ZNF385B: variants seen among roughly 807,000 people sequenced by gnomAD.
ZNF385B encodes zinc finger protein 533.
Under a neutral mutation model 39.2 loss-of-function variants are expected in ZNF385B, and 23 were observed. The observed-to-expected ratio is 0.59, with a 90% confidence interval of 0.42 to 0.83. ZNF385B has a LOEUF of 0.83. ZNF385B is among the 40% of genes least tolerant of loss of function. The pLI is 0.00. For missense variants in ZNF385B, 552 were observed against 598.9 expected (o/e 0.92, Z 0.82); for synonymous variants, 205 against 222.6 (o/e 0.92, Z 0.70).
intron 4 of ZNF385B, among the ~76,000 whole-genome samples, chr2:179,543,898 C>CAAAATGA (rs1180381958): frequency 6.6e-6 from 1 of 152,078 alleles, no homozygotes; most frequent in Non-Finnish European, 1.5e-5. Flanking sequence ...GATAGGTTTG[C>CAAAATGA]AAAATGAAAC....
At chr2:179,826,135 G>GA in intron 1 of ZNF385B, among the ~76,000 whole-genome samples, 1 of 152,120 alleles carries the variant, frequency 6.6e-6, no homozygotes, top group Non-Finnish European at 1.5e-5. Flanking sequence ...AACAGCTGTC[G>GA]AAAATTCAGC....
Position 179,611,617 on chromosome 2 carries a change from T to C in ZNF385B, c.299-66648A>G, listed in dbSNP as rs529570779. ...TTTTGAATAGTTTGAATAGGATTGG[T>C]ATTAGTTCTTTAAATGTTTAGTAAA... On this transcript the variant is annotated intron_variant, in intron 3 of 9. Coordinates refer to ENST00000410066, the MANE Select transcript of ZNF385B (RefSeq NM_152520.6). Among the ~76,000 whole-genome samples the C allele has an allele frequency of 3.3e-5, 5 of 152,270 alleles. No homozygotes were observed. The East Asian group carries it at 9.6e-4, about 29-fold the overall frequency.
At chr2:179,444,380 T>C (rs1398027342) in intron 9 of ZNF385B, among the ~76,000 whole-genome samples, 1 of 152,120 alleles carries the variant, frequency 6.6e-6, no homozygotes, top group East Asian at 1.9e-4. Flanking sequence ...TAGCACATAT[T>C]GAGAGCAGAT....
intron 3 of ZNF385B, among the ~76,000 whole-genome samples, chr2:179,594,248 A>G (rs75745126): frequency 0.03 from 4,605 of 152,306 alleles, 95 homozygotes; most frequent in Middle Eastern, 0.041. Flanking sequence ...ACTTCAACTT[A>G]ATTTGGCAGT....
At chr2:179,647,425 G>T (rs975975140) in intron 3 of ZNF385B, among the ~76,000 whole-genome samples, 2 of 151,964 alleles carry the variant, frequency 1.3e-5, no homozygotes, top group Non-Finnish European at 1.5e-5. Context: ...ACCCAACCCC[G>T]GCCATATGCC....
At chr2:179,468,317 G>C (rs2052340823) in intron 6 of ZNF385B, among the ~76,000 whole-genome samples, 1 of 152,168 alleles carries the variant, frequency 6.6e-6, no homozygotes, top group Non-Finnish European at 1.5e-5. Flanking sequence ...ATTTTGTGTA[G>C]TTTTTCCAGC....
chr2:179,726,340 A>G lies in ZNF385B; in HGVS notation c.298+43163T>C, dbSNP rs573216037. ...CCATATCCTTTGTGTGTTTCCTTCT[A>G]TCATCGGCCCATTCCAATTCTGGAT... On this transcript the variant is annotated intron_variant, in intron 3 of 9. Transcript: ENST00000410066. Among the ~76,000 whole-genome samples, 11 of 152,060 alleles carry G rather than the reference A, an allele frequency of 7.2e-5. No individual in the cohort carries two copies. In the East Asian group the frequency reaches 1.7e-3, roughly 24 times the overall value.
intron 8 of ZNF385B, among the ~76,000 whole-genome samples, chr2:179,445,212 T>A (rs2049350686): frequency 6.6e-6 from 1 of 152,208 alleles, no homozygotes; most frequent in African/African-American, 2.4e-5. Flanking sequence ...ATTACCACTG[T>A]TACTGATGAG....
At chr2:179,457,666 C>G (rs1291084491) in intron 6 of ZNF385B, among the ~76,000 whole-genome samples, 1 of 151,716 alleles carries the variant, frequency 6.6e-6, no homozygotes, top group Non-Finnish European at 1.5e-5. Flanking sequence ...TTTTTATTGG[C>G]CAATTGTATA....
At chr2:179,847,205 T>A (rs1436839076) in intron 1 of ZNF385B, among the ~76,000 whole-genome samples, 1 of 152,218 alleles carries the variant, frequency 6.6e-6, no homozygotes, top group Non-Finnish European at 1.5e-5. Context: ...ATGACCAGGC[T>A]ATAGCTGATA....
chr2:179,618,725 A>C (rs1391250945), intron 3 of ZNF385B, among the ~76,000 whole-genome samples: 1 of 152,184 alleles, frequency 6.6e-6, no homozygotes, highest in Non-Finnish European at 1.5e-5. Flanking sequence ...AAATAGGAGA[A>C]CAAGAGGAAT....
Position 179,548,408 on chromosome 2 carries a change from GGTTTGTTTGTTT to G in ZNF385B, c.299-3451_299-3440del, listed in dbSNP as rs34315008. The stretch of plus-strand genomic sequence containing the variant: ...CTGGTAGGCAGACTCTGGCATGTAA[GGTTTGTTTGTTT>G]GTTTGTTTGTTTTAATATAACAACT... On this transcript the variant is annotated intron_variant, in intron 3 of 9. Coordinates refer to ENST00000410066, the MANE Select transcript of ZNF385B (RefSeq NM_152520.6). 2.2e-3 allele frequency among the ~76,000 whole-genome samples: 333 copies of G among 148,410 alleles called. 10 individuals carry two copies. The highest frequency in any genetic ancestry group is 4.0e-3 in the Non-Finnish European group (271 of 67,310).
intron 1 of ZNF385B, among the ~76,000 whole-genome samples, chr2:179,847,318 C>T (rs190309270): frequency 1.3e-3 from 197 of 152,290 alleles, no homozygotes; most frequent in Middle Eastern, 3.4e-3. Context: ...ATTCTACCAG[C>T]TTATTCTCAA....
intron 3 of ZNF385B, among the ~76,000 whole-genome samples, chr2:179,689,783 A>ATGTGTGTGTGTGTG (rs112957152): frequency 1.5e-5 from 2 of 130,014 alleles, no homozygotes; most frequent in South Asian, 2.5e-4. Context: ...GGGCAGGGGC[A>ATGTGTGTGTGTGTG]TGTGTGTGTG....
chr2:179,527,701 A>G (rs2058997479), intron 4 of ZNF385B, among the ~76,000 whole-genome samples: 1 of 152,128 alleles, frequency 6.6e-6, no homozygotes, highest in Non-Finnish European at 1.5e-5. Context: ...CTCCTTTTCA[A>G]CATATTACAC....
intron 5 of ZNF385B, among the ~76,000 whole-genome samples, chr2:179,508,879 A>G (rs1356766200): frequency 6.6e-6 from 1 of 152,020 alleles, no homozygotes; most frequent in Non-Finnish European, 1.5e-5. Context: ...ATATTGAATG[A>G]TGTGTATTGT....
chr2:179,499,002 G>A (rs1342855194), intron 5 of ZNF385B, among the ~76,000 whole-genome samples: 1 of 151,878 alleles, frequency 6.6e-6, no homozygotes, highest in Non-Finnish European at 1.5e-5. Flanking sequence ...AACTGATTCT[G>A]CAGAAAGTTA....
At chr2:179,560,850 GA>G (rs1176486468) in intron 3 of ZNF385B, among the ~76,000 whole-genome samples, 1 of 152,090 alleles carries the variant, frequency 6.6e-6, no homozygotes, top group Non-Finnish European at 1.5e-5. Flanking sequence ...TTTGCTTCAG[GA>G]CAAGTTTGTC....
chr2:179,826,701 GA>G (rs199699119), intron 1 of ZNF385B, among the ~76,000 whole-genome samples: 7,069 of 151,704 alleles, frequency 0.047, 383 homozygotes, highest in Admixed American at 0.16. Context: ...AAATTATTCA[GA>G]AAAAAAATTC....
Sources: allele counts gnomAD v4.1 joint callset (sites outside exome capture counted in the v4.1 genomes callset), GRCh38; gene constraint gnomAD v4.1.1; transcripts MANE v1.5; gene names NCBI Gene and HGNC (gene_info 2026-07-23, HGNC 2026-07-21).